Variants in ST13 observed in about 807,000 individuals in gnomAD.
ST13 encodes hsc70-interacting protein.
Under a neutral mutation model 56.7 loss-of-function variants are expected in ST13, and 23 were observed. The observed-to-expected ratio is 0.41, with a 90% CI of 0.29 to 0.57. ST13 has a LOEUF of 0.57. Among genes scored for constraint, ST13 ranks in the 20% least tolerant of loss-of-function variants. The pLI is 0.36. For synonymous variants in ST13, 132 were observed against 142.4 expected, an observed-to-expected ratio of 0.93 and a Z score of 0.52; for missense variants, 369 against 459.9, an observed-to-expected ratio of 0.80 and a Z score of 1.81.
chr22:40,843,325 A>G (rs1324663837), intron 4 of ST13, among the ~76,000 whole-genome samples: 1 of 152,200 alleles, frequency 6.6e-6, no homozygotes, highest in African/African-American at 2.4e-5. Flanking sequence ...GACTTGATCA[A>G]CCTATTTCTA....
chr22:40,844,731 A>T (rs2057822190), intron 4 of ST13, 108 bp downstream of exon 4: 1 of 892,640 alleles, frequency 1.1e-6, no homozygotes, highest in South Asian at 1.7e-5. Context: ...AAGTCAGAGA[A>T]AGATTTACTA....
chr22:40,850,983 C>T lies in ST13; in HGVS notation c.111-103G>A, dbSNP rs566397584. 7 of 754,944 alleles carry T rather than the reference C, an allele frequency of 9.3e-6. No homozygotes were observed. In the South Asian group the frequency reaches 1.4e-4, roughly 15 times the overall value. The allele number at this position is 754,944 out of a possible 1,614,324, so 46.8% of individuals were successfully genotyped here. ...ATAACGTTAGACATTTAGATGACTA[C>T]CTTTTCAAAATTTAAAAGTAAACTC... On this transcript the variant is annotated intron_variant, in intron 1 of 11. Transcript: ENST00000216218.
rs1172462862 is a variant in ST13, at chr22:40,824,638, T to C, written c.*1900A>G. The C allele has an allele frequency of 6.6e-6, 1 of 152,178 alleles. No individual in the cohort carries two copies. Among genetic ancestry groups the C allele is most frequent in the Admixed American group, 6.5e-5 (1 of 15,284 alleles). 9.4% of individuals were successfully genotyped at this position (152,178 alleles called of 1,614,324 possible). ...TACTTTTACCCACTTATGGTAATAT[T>C]TGCAATATTAGAATATAATTAGGTT... On this transcript the variant is annotated 3_prime_UTR_variant, in exon 12 of 12. Transcript: ENST00000216218.
intron 5 of ST13, among the ~76,000 whole-genome samples, chr22:40,838,040 C>T (rs773951553): frequency 6.6e-6 from 1 of 152,190 alleles, no homozygotes. Context: ...CTCCTCCATA[C>T]ATTTAGTTCA....
chr22:40,852,215 G>A (rs2057865206), intron 1 of ST13, among the ~76,000 whole-genome samples: 3 of 152,170 alleles, frequency 2.0e-5, no homozygotes, highest in Admixed American at 1.3e-4. Context: ...ATTGTTTCAC[G>A]CCTTGGCCAA....
intron 5 of ST13, among the ~76,000 whole-genome samples, chr22:40,839,222 A>G (rs1398144415): frequency 6.6e-6 from 1 of 152,226 alleles, no homozygotes; most frequent in African/African-American, 2.4e-5. Flanking sequence ...TAGAATCACA[A>G]AATGTTTAAA....
At position 40,826,664 on chromosome 22, in the gene ST13, AT is replaced by A; in HGVS notation, c.983del (p.Asp328ValfsTer28). 2 of 1,609,870 alleles carry A rather than the reference AT, an allele frequency of 1.2e-6. No homozygotes were observed. On this transcript the variant is annotated frameshift_variant and splice_region_variant, in exon 12 of 12. Coordinates refer to ENST00000216218, the MANE Select transcript of ST13 (RefSeq NM_003932.5). LOFTEE classifies it high-confidence loss of function. The stretch of plus-strand genomic sequence containing the variant: ...CCTGGAAAGCCACCATAACTTCTGG[AT>A]CCTGAAAAGAAAGGGTTCATTAGTA... The part of the protein sequence containing the change: ...SDPEVLAAMQ[D>X]PEVMVAFQDV...
intron 7 of ST13, 183 bp downstream of exon 7, chr22:40,835,377 C>G: frequency 2.3e-6 from 1 of 432,880 alleles, no homozygotes; most frequent in Non-Finnish European, 4.2e-6. Context: ...TTTTAAATTT[C>G]TTTTTTTTTT....
chr22:40,855,650 T>C (rs973611453), intron 1 of ST13, among the ~76,000 whole-genome samples: 16 of 152,254 alleles, frequency 1.1e-4, no homozygotes, highest in Non-Finnish European at 1.9e-4. Flanking sequence ...CATAAAATGC[T>C]AATTACTATT....
chr22:40,845,388 C>T (rs2057825825), intron 3 of ST13, among the ~76,000 whole-genome samples: 1 of 151,950 alleles, frequency 6.6e-6, no homozygotes, highest in Non-Finnish European at 1.5e-5. Flanking sequence ...CAGGATCTTA[C>T]TATGTTGTCC....
intron 2 of ST13, among the ~76,000 whole-genome samples, chr22:40,850,365 T>C (rs2057855261): frequency 6.6e-6 from 1 of 152,202 alleles, no homozygotes; most frequent in Admixed American, 6.5e-5. Context: ...ATCTTACACG[T>C]CCTTTAAGCA....
intron 8 of ST13, chr22:40,832,332 C>A (rs1053583637): frequency 3.8e-6 from 2 of 523,860 alleles, no homozygotes; most frequent in African/African-American, 3.8e-5. Flanking sequence ...GGTTATAATT[C>A]CACTGCAGGC....
chr22:40,842,945 G>C (rs948362220), intron 4 of ST13, among the ~76,000 whole-genome samples: 1 of 152,078 alleles, frequency 6.6e-6, no homozygotes, highest in Non-Finnish European at 1.5e-5. Flanking sequence ...TCTCTACTAA[G>C]AATTTTTAAA....
chr22:40,827,445 T>G (rs1163439675), intron 10 of ST13, among the ~76,000 whole-genome samples: 1 of 152,190 alleles, frequency 6.6e-6, no homozygotes, highest in African/African-American at 2.4e-5. Flanking sequence ...TGCTACCTCC[T>G]GGATTAACTT....
At position 40,827,206 on chromosome 22, in the gene ST13, C is replaced by G; in HGVS notation, c.871G>C (p.Gly291Arg). The change falls in exon 11 of 12, where the codon GGT (glycine) becomes CGT (arginine). Residue 291 changes from glycine (G) to arginine (R), a missense_variant. By Grantham distance (125) the Gly-to-Arg change is moderately radical. Around this residue, in one of 3 missense-constraint regions of ST13, gnomAD observed 136 missense variants for 159.2 expected, o/e 0.85. Coordinates refer to ENST00000216218, the MANE Select transcript of ST13 (RefSeq NM_003932.5). ...FPGGFPGGMP[G>R]NFPGGMPGMG... ...CCAGGCATTCCTCCGGGAAAATTAC[C>G]AGGCATTCCCCCAGGAAAGCCACCT... 3.1e-6 allele frequency: 5 copies of G among 1,613,574 alleles called. No homozygotes were observed. Among genetic ancestry groups the G allele is most frequent in the Non-Finnish European group, 4.2e-6 (5 of 1,179,974 alleles).
intron 3 of ST13, 27 bp from the exon 4 acceptor site, chr22:40,844,936 A>C: frequency 6.4e-7 from 1 of 1,572,966 alleles, no homozygotes; most frequent in South Asian, 1.1e-5. Flanking sequence ...AATGACAATA[A>C]GACCTGCACC....
At chr22:40,851,299 GAAGT>G (rs760096723) in intron 1 of ST13, among the ~76,000 whole-genome samples, 3 of 152,190 alleles carry the variant, frequency 2.0e-5, no homozygotes, top group Non-Finnish European at 2.9e-5. Flanking sequence ...TGCAGTTTAT[GAAGT>G]AACTATACCG....
intron 2 of ST13, among the ~76,000 whole-genome samples, chr22:40,849,681 T>C (rs1246184626): frequency 6.6e-6 from 1 of 152,042 alleles, no homozygotes; most frequent in Non-Finnish European, 1.5e-5. Context: ...TTTGCCTTCA[T>C]ACACATTTGC....
intron 8 of ST13, 108 bp downstream of exon 8, chr22:40,832,461 G>T: frequency 1.3e-6 from 1 of 770,116 alleles, no homozygotes; most frequent in Non-Finnish European, 2.2e-6. Context: ...ATCTTCCAAT[G>T]GTTTGTTTCT....
Sources: allele counts gnomAD v4.1 joint callset (sites outside exome capture counted in the v4.1 genomes callset), GRCh38; gene constraint gnomAD v4.1.1; regional missense constraint gnomAD v4.1.1; transcripts MANE v1.5; gene names NCBI Gene and HGNC (gene_info 2026-07-23, HGNC 2026-07-21).